APBB2: variants seen among roughly 807,000 people sequenced by gnomAD.
The protein encoded by APBB2 is Fe65-like 1.
A neutral mutation model predicts 82.5 loss-of-function variants in APBB2; 38 were observed. The ratio of observed to expected loss-of-function variants is 0.46; its 90% CI spans 0.36 to 0.60. The LOEUF (loss-of-function observed/expected upper bound fraction) is 0.60, where lower values mean the gene tolerates loss of function less well. Ranked by LOEUF, APBB2 falls within the 20% of genes least tolerant of loss-of-function variation. The pLI is 0.00. For missense variants in APBB2, 772 were observed against 972.3 expected, an observed-to-expected ratio of 0.79 and a Z score of 2.74; for synonymous variants, 341 against 368.2, an observed-to-expected ratio of 0.93 and a Z score of 0.85.
At chr4:41,014,722 T>C (rs981172866) in intron 5 of APBB2, among the ~76,000 whole-genome samples, 3 of 152,206 alleles carry the variant, frequency 2.0e-5, no homozygotes, top group African/African-American at 7.2e-5. Flanking sequence ...TCTTCATTTT[T>C]TACAAGCTTG....
chr4:40,948,382 G>C (rs1483622411), intron 6 of APBB2, among the ~76,000 whole-genome samples: 1 of 152,086 alleles, frequency 6.6e-6, no homozygotes. Context: ...CCAGGAGTTC[G>C]AGACACAGCG....
At position 41,136,968 on chromosome 4, in the gene APBB2, T is replaced by A. The variant is rs956207536; in HGVS notation, c.-261+6019A>T. ...CAGTTGTAACTAAAGATATATATAT[T>A]TTGCAATCTTCACATTTCTAATATA... On this transcript the variant is annotated intron_variant, in intron 2 of 17. Coordinates refer to ENST00000508593, the MANE Select transcript of APBB2 (RefSeq NM_004307.2). Among the ~76,000 whole-genome samples, 3 of 152,174 alleles carry A rather than the reference T, an allele frequency of 2.0e-5. 1 individual carries two copies. The highest frequency in any genetic ancestry group is 2.0e-4 in the Admixed American group (3 of 15,260).
intron 15 of APBB2, 138 bp downstream of exon 15, chr4:40,825,749 G>T: frequency 1.5e-6 from 1 of 684,324 alleles, no homozygotes; most frequent in African/African-American, 1.8e-5. Context: ...TATGTTCTCT[G>T]GCAGGTGACA....
At chr4:41,145,462 G>GT (rs1425445240) in intron 1 of APBB2, among the ~76,000 whole-genome samples, 3 of 152,122 alleles carry the variant, frequency 2.0e-5, no homozygotes, top group African/African-American at 7.2e-5. Context: ...TCACGTGCAG[G>GT]TATTAAATTC....
At chr4:41,045,782 C>T (rs976752141) in intron 4 of APBB2, among the ~76,000 whole-genome samples, 3 of 152,166 alleles carry the variant, frequency 2.0e-5, no homozygotes, top group African/African-American at 7.2e-5. Flanking sequence ...TGTATGAGGA[C>T]AGAGACTATG....
At chr4:41,209,121 A>G (rs917448590) in intron 1 of APBB2, among the ~76,000 whole-genome samples, 3 of 151,602 alleles carry the variant, frequency 2.0e-5, no homozygotes, top group Non-Finnish European at 4.4e-5. Context: ...TTAATGACCC[A>G]CTCCTAACAG....
At chr4:41,086,940 ACACACAC>A (rs769582329) in intron 3 of APBB2, among the ~76,000 whole-genome samples, 46 of 150,962 alleles carry the variant, frequency 3.0e-4, no homozygotes, top group African/African-American at 7.3e-4. Flanking sequence ...ACACACACAC[ACACACAC>A]ACAAAAAACC....
At chr4:41,150,478 A>G (rs774202976) in intron 1 of APBB2, among the ~76,000 whole-genome samples, 18 of 152,168 alleles carry the variant, frequency 1.2e-4, no homozygotes, top group Non-Finnish European at 2.4e-4. Flanking sequence ...CCTTTTCACA[A>G]TTCCATGCTG....
At chr4:41,003,796 T>C (rs1040364058) in intron 6 of APBB2, among the ~76,000 whole-genome samples, 3 of 152,224 alleles carry the variant, frequency 2.0e-5, no homozygotes, top group Non-Finnish European at 4.4e-5. Flanking sequence ...CACTGCAACC[T>C]CCGTCTCCTG....
intron 10 of APBB2, among the ~76,000 whole-genome samples, chr4:40,918,734 C>CTCCT (rs1780498872): frequency 6.7e-6 from 1 of 149,962 alleles, no homozygotes; most frequent in Non-Finnish European, 1.5e-5. Context: ...CCCTCCCTCC[C>CTCCT]TCCCTCCTTC....
At chr4:41,093,956 CTT>C (rs1037784484) in intron 3 of APBB2, among the ~76,000 whole-genome samples, 9 of 152,210 alleles carry the variant, frequency 5.9e-5, no homozygotes, top group Middle Eastern at 3.4e-3. Flanking sequence ...TTAACTGTCA[CTT>C]TGTTGTCTAA....
chr4:40,857,682 C>T (rs1761716980), intron 12 of APBB2, among the ~76,000 whole-genome samples: 1 of 152,044 alleles, frequency 6.6e-6, no homozygotes, highest in Non-Finnish European at 1.5e-5. Flanking sequence ...GTTGGCCAGG[C>T]TGGTCTCAAA....
intron 6 of APBB2, among the ~76,000 whole-genome samples, chr4:41,006,987 A>G (rs919073465): frequency 4.6e-5 from 7 of 152,202 alleles, no homozygotes; most frequent in African/African-American, 1.4e-4. Context: ...CTCATCAACT[A>G]TGCAAGAGTT....
intron 3 of APBB2, among the ~76,000 whole-genome samples, chr4:41,068,876 A>G (rs1732882071): frequency 7.2e-6 from 1 of 139,814 alleles, no homozygotes; most frequent in Non-Finnish European, 1.5e-5. Context: ...GCTTACTGCA[A>G]CCTCCGACTT....
chr4:40,937,481 T>C (rs1219077414), intron 7 of APBB2, among the ~76,000 whole-genome samples: 2 of 152,314 alleles, frequency 1.3e-5, no homozygotes, highest in South Asian at 4.1e-4. Context: ...AGCTCTCATG[T>C]TATGGAAACA....
chr4:40,857,712 C>T (rs1400855837), intron 12 of APBB2, among the ~76,000 whole-genome samples: 1 of 151,932 alleles, frequency 6.6e-6, no homozygotes, highest in African/African-American at 2.4e-5. Flanking sequence ...TCAAGTGAGC[C>T]GCCCGCCTCG....
chr4:41,112,082 T>C (rs918251598), intron 2 of APBB2, among the ~76,000 whole-genome samples: 1 of 152,006 alleles, frequency 6.6e-6, no homozygotes, highest in African/African-American at 2.4e-5. Flanking sequence ...CAAGGTGAAA[T>C]GAAATAAATT....
chr4:40,960,202 A>T (rs1238085746), intron 6 of APBB2, among the ~76,000 whole-genome samples: 1 of 152,076 alleles, frequency 6.6e-6, no homozygotes, highest in Non-Finnish European at 1.5e-5. Flanking sequence ...TGTTGTGAAA[A>T]CATACTTAAA....
intron 10 of APBB2, among the ~76,000 whole-genome samples, chr4:40,918,767 TTTTG>T (rs1173618710): frequency 5.4e-5 from 8 of 149,406 alleles, no homozygotes; most frequent in Non-Finnish European, 8.9e-5. Flanking sequence ...CTGTTTTTTT[TTTTG>T]TTTGTTTGTT....
Sources: allele counts gnomAD v4.1 joint callset (sites outside exome capture counted in the v4.1 genomes callset), GRCh38; gene constraint gnomAD v4.1.1; transcripts MANE v1.5; gene names NCBI Gene and HGNC (gene_info 2026-07-23, HGNC 2026-07-21).